The following FYB1 variants were observed in gnomAD, a reference collection of about 807,000 sequenced individuals.
FYB1 encodes FYN binding protein 1.
In FYB1, 41 loss-of-function variants were observed where a neutral mutation model predicts 94.1. The observed-to-expected ratio is 0.44, with a 90% CI of 0.34 to 0.57. The LOEUF is 0.57. FYB1 is among the 20% of genes least tolerant of loss of function. FYB1 has a pLI of 0.02. For synonymous variants in FYB1, 367 were observed against 353.2 expected, an observed-to-expected ratio of 1.04 and a Z score of -0.44; for missense variants, 1,050 against 976.8, an observed-to-expected ratio of 1.07 and a Z score of -1.00.
chr5:39,245,122 G>A (rs1751411450), intron 1 of FYB1, among the ~76,000 whole-genome samples: 2 of 151,950 alleles, frequency 1.3e-5, no homozygotes, highest in African/African-American at 4.8e-5. Flanking sequence ...TTAATCATGA[G>A]TTATGTGTCT....
At chr5:39,215,446 G>A (rs1003873505) in intron 1 of FYB1, among the ~76,000 whole-genome samples, 2 of 152,072 alleles carry the variant, frequency 1.3e-5, no homozygotes, top group African/African-American at 4.8e-5. Flanking sequence ...TTGTGTGGTA[G>A]GATCACCCTG....
upstream of FYB1, among the ~76,000 whole-genome samples, chr5:39,220,418 A>G (rs1288919794): frequency 2.8e-5 from 3 of 106,312 alleles, no homozygotes; most frequent in African/African-American, 7.0e-5. Context: ...TGTCTGAAGG[A>G]AAAAAAAAAA....
chr5:39,123,380 T>G (rs191613906), intron 13 of FYB1, among the ~76,000 whole-genome samples: 16 of 152,304 alleles, frequency 1.1e-4, no homozygotes, highest in Non-Finnish European at 2.2e-4. Context: ...CACATGCACT[T>G]AAAACATATT....
chr5:39,253,166 T>C (rs1751797568), intron 1 of FYB1, among the ~76,000 whole-genome samples: 1 of 152,200 alleles, frequency 6.6e-6, no homozygotes, highest in Non-Finnish European at 1.5e-5. Flanking sequence ...GAGATGACAT[T>C]GCAGTGGTAA....
chr5:39,180,797 A>G (rs1746152739), intron 2 of FYB1, among the ~76,000 whole-genome samples: 1 of 152,190 alleles, frequency 6.6e-6, no homozygotes, highest in Non-Finnish European at 1.5e-5. Flanking sequence ...TACCCTATTT[A>G]TATTATAATT....
chr5:39,199,437 T>C (rs1748122829), intron 2 of FYB1, among the ~76,000 whole-genome samples: 1 of 152,244 alleles, frequency 6.6e-6, no homozygotes, highest in Non-Finnish European at 1.5e-5. Flanking sequence ...GTTTATTTTC[T>C]GCAGTATTGT....
At chr5:39,122,621 C>T (rs1365248329) in intron 13 of FYB1, among the ~76,000 whole-genome samples, 1 of 151,768 alleles carries the variant, frequency 6.6e-6, no homozygotes, top group Non-Finnish European at 1.5e-5. Flanking sequence ...AAACCAGTGA[C>T]CATAATGATA....
intron 14 of FYB1, among the ~76,000 whole-genome samples, chr5:39,119,971 T>G (rs1338748992): frequency 2.0e-5 from 3 of 152,172 alleles, no homozygotes; most frequent in Non-Finnish European, 4.4e-5. Context: ...CCCTAAATTA[T>G]CAGCCCTTTC....
rs754902033 is a variant in FYB1 at position 39,230,124 on chromosome 5, C to T, written c.-27-27137G>A. Among the ~76,000 whole-genome samples the T allele has an allele frequency of 5.9e-5, 9 of 152,186 alleles. 1 individual carries two copies. The South Asian group carries it at 6.2e-4, about 10-fold the overall frequency. On this transcript the variant is annotated intron_variant, in intron 1 of 1. Transcript: ENST00000510188. ...CCATATCCCAGGAACTGTGAATATG[C>T]TACCTTATATAGCAAAGGGGAATTT...
At chr5:39,150,600 A>C (rs1413361123) in intron 3 of FYB1, among the ~76,000 whole-genome samples, 1 of 152,184 alleles carries the variant, frequency 6.6e-6, no homozygotes, top group Non-Finnish European at 1.5e-5. Flanking sequence ...CAGCCTCCTC[A>C]TGGTGGTGCT....
At chr5:39,201,345 G>A (rs77816340) in intron 2 of FYB1, among the ~76,000 whole-genome samples, 2,211 of 152,270 alleles carry the variant, frequency 0.015, 41 homozygotes, top group African/African-American at 0.051. Context: ...CTAGAGGCCA[G>A]TAGCACCCTC....
chr5:39,222,947 A>G (rs1480751155), upstream of FYB1, among the ~76,000 whole-genome samples: 1 of 151,986 alleles, frequency 6.6e-6, no homozygotes, highest in East Asian at 1.9e-4. Flanking sequence ...ACAAACACTG[A>G]GGCCTGTTGG....
intron 1 of FYB1, among the ~76,000 whole-genome samples, chr5:39,209,342 T>C (rs1579687223): frequency 6.6e-6 from 1 of 151,710 alleles, no homozygotes; most frequent in Non-Finnish European, 1.5e-5. Context: ...TTTTTTTTTT[T>C]TTGAGACGGA....
In FYB1 at chr5:39,239,250, A is replaced by G. The variant is rs1378667085; in HGVS notation, c.-28+35153T>C. On this transcript the variant is annotated intron_variant, in intron 1 of 1. Coordinates refer to the FYB1 transcript ENST00000510188. ...GGAAGCATTCCTTTTGAGAACCAGA[A>G]CAAGAAAAGTATTTTCACTCTCACC... Among the ~76,000 whole-genome samples, 2 of 152,168 alleles carry G rather than the reference A, an allele frequency of 1.3e-5. 1 individual carries two copies. Among genetic ancestry groups the G allele is most frequent in the African/African-American group, 4.8e-5 (2 of 41,446 alleles).
At chr5:39,230,117 G>A (rs76400352) in intron 1 of FYB1, among the ~76,000 whole-genome samples, 1,537 of 152,280 alleles carry the variant, frequency 0.01, 20 homozygotes, top group African/African-American at 0.032. Flanking sequence ...CAGGAACTGT[G>A]AATATGCTAC....
At chr5:39,174,494 A>G (rs916527613) in intron 2 of FYB1, among the ~76,000 whole-genome samples, 9 of 152,202 alleles carry the variant, frequency 5.9e-5, no homozygotes, top group African/African-American at 2.2e-4. Flanking sequence ...CAGGACTTTA[A>G]CACATGGAAT....
intron 2 of FYB1, among the ~76,000 whole-genome samples, chr5:39,155,844 T>A (rs546734221): frequency 1.3e-5 from 2 of 152,326 alleles, no homozygotes; most frequent in African/African-American, 4.8e-5. Context: ...AGCTATTACT[T>A]ACCAATTTGA....
chr5:39,159,937 G>A (rs1470128349), intron 2 of FYB1, among the ~76,000 whole-genome samples: 1 of 152,104 alleles, frequency 6.6e-6, no homozygotes, highest in African/African-American at 2.4e-5. Context: ...AAGAACAACA[G>A]TATCCTTTTT....
intron 1 of FYB1, among the ~76,000 whole-genome samples, chr5:39,248,658 G>A (rs910490268): frequency 6.6e-6 from 1 of 152,112 alleles, no homozygotes; most frequent in African/African-American, 2.4e-5. Context: ...CCAACATGGC[G>A]AAACCCCGTC....
Sources: allele counts gnomAD v4.1 joint callset (sites outside exome capture counted in the v4.1 genomes callset), GRCh38; gene constraint gnomAD v4.1.1; transcripts MANE v1.5; gene names NCBI Gene and HGNC (gene_info 2026-07-23, HGNC 2026-07-21).